CAAP1: variants seen among roughly 807,000 people sequenced by gnomAD.
CAAP1 encodes conserved anti-apoptotic protein.
Under a neutral mutation model 34.0 loss-of-function variants are expected in CAAP1, and 20 were observed. That is an observed-to-expected ratio of 0.59 (90% CI 0.41 to 0.86). The LOEUF (loss-of-function observed/expected upper bound fraction) is 0.86, where lower values mean the gene tolerates loss of function less well. CAAP1 is among the 40% of genes least tolerant of loss of function. The pLI is 0.00. For synonymous variants in CAAP1, 213 were observed against 166.7 expected, an observed-to-expected ratio of 1.28 and a Z score of -2.14; for missense variants, 538 against 450.5, an observed-to-expected ratio of 1.19 and a Z score of -1.76.
chr9:26,889,985 C>T (rs1482875254), intron 1 of CAAP1, among the ~76,000 whole-genome samples: 2 of 151,436 alleles, frequency 1.3e-5, no homozygotes, highest in African/African-American at 2.4e-5. Flanking sequence ...CACAAATACA[C>T]TAATTTTTCA....
chr9:26,861,435 T>C (rs17694121), intron 4 of CAAP1, among the ~76,000 whole-genome samples: 5,560 of 152,310 alleles, frequency 0.037, 169 homozygotes, highest in South Asian at 0.1. Context: ...GGGTAGCTGA[T>C]AGGAGAAATC....
chr9:26,852,882 A>T (rs1822785240), intron 5 of CAAP1, among the ~76,000 whole-genome samples: 1 of 152,180 alleles, frequency 6.6e-6, no homozygotes, highest in South Asian at 2.1e-4. Context: ...GAAGACCCAT[A>T]TGGTTATCTG....
rs1345752467 is a variant in CAAP1 at position 26,846,429 on chromosome 9, AAAAAAAAAAAG to A, written c.740-3793_740-3783del. 2.2e-5 allele frequency among the ~76,000 whole-genome samples: 3 copies of A among 137,284 alleles called. No individual in the cohort carries two copies. The East Asian group carries it at 6.0e-4, about 27-fold the overall frequency. 90.1% of individuals were successfully genotyped at this position (137,284 alleles called of 152,430 possible). On this transcript the variant is annotated intron_variant, in intron 5 of 5. Coordinates refer to ENST00000333916, the MANE Select transcript of CAAP1 (RefSeq NM_024828.4). ...AGACTCTGTCTCAAAAAAAAAAAAAAAAAAAAAAAAGAAGAAGAAAAAAAAGAAAAAAGAAA... is the reference window on the plus strand; with the variant it reads ...AGACTCTGTCTCAAAAAAAAAAAAAAAAGAAGAAAAAAAAGAAAAAAGAAA...
At chr9:26,866,961 C>T (rs956685151) in intron 4 of CAAP1, among the ~76,000 whole-genome samples, 4 of 152,060 alleles carry the variant, frequency 2.6e-5, no homozygotes, top group Admixed American at 6.6e-5. Flanking sequence ...GGAACTGAGC[C>T]GCACAGTAGG....
chr9:26,880,223 G>A, intron 4 of CAAP1: 1 of 404,218 alleles, frequency 2.5e-6, no homozygotes, highest in South Asian at 1.8e-5. Flanking sequence ...CAGCACACAG[G>A]CTGGTGTCTT....
At chr9:26,891,052 G>A (rs1268460181) in intron 1 of CAAP1, among the ~76,000 whole-genome samples, 3 of 152,162 alleles carry the variant, frequency 2.0e-5, no homozygotes, top group Non-Finnish European at 4.4e-5. Flanking sequence ...AGACTCCAAA[G>A]ACTGTTCAAC....
chr9:26,889,674 T>TA (rs1435531573), intron 1 of CAAP1, among the ~76,000 whole-genome samples: 3 of 151,778 alleles, frequency 2.0e-5, no homozygotes, highest in East Asian at 3.9e-4. Flanking sequence ...TAGACTATCC[T>TA]AGCTAACACG....
At chr9:26,872,200 G>A (rs970618154) in intron 4 of CAAP1, among the ~76,000 whole-genome samples, 1 of 152,126 alleles carries the variant, frequency 6.6e-6, no homozygotes, top group East Asian at 1.9e-4. Context: ...TACTGCAAAA[G>A]CAGTCATTAA....
At chr9:26,846,971 G>A (rs1388412485) in intron 5 of CAAP1, among the ~76,000 whole-genome samples, 1 of 151,988 alleles carries the variant, frequency 6.6e-6, no homozygotes, top group Admixed American at 6.6e-5. Flanking sequence ...ACAGACATGA[G>A]CCACTGCGCC....
Position 26,892,763 on chromosome 9 carries a change from G to C in CAAP1, c.-48C>G, listed in dbSNP as rs185993992. On this transcript the variant is annotated 5_prime_UTR_variant, in exon 1 of 6. Transcript: ENST00000333916. ...GAGGAAAGTCCGCTGTCTCTGGTGCGACCGAAGCCCGACTCCTGCGGCCGT... is the reference window on the plus strand; with the variant it reads ...GAGGAAAGTCCGCTGTCTCTGGTGCCACCGAAGCCCGACTCCTGCGGCCGT... 5 of 1,512,166 alleles carry C rather than the reference G, an allele frequency of 3.3e-6. No homozygotes were observed. The highest frequency in any genetic ancestry group is 4.4e-6 in the Non-Finnish European group (5 of 1,133,210). 93.7% of individuals were successfully genotyped at this position (1,512,166 alleles called of 1,614,324 possible). A position where few individuals can be genotyped will look rare whatever the true frequency, so the allele number is the denominator to read the frequency against.
At chr9:26,876,727 A>C (rs1823443103) in intron 4 of CAAP1, among the ~76,000 whole-genome samples, 1 of 152,166 alleles carries the variant, frequency 6.6e-6, no homozygotes, top group African/African-American at 2.4e-5. Flanking sequence ...GCTATAGTTT[A>C]AGCATCCCTA....
At chr9:26,887,231 A>C (rs1371364789) in intron 2 of CAAP1, 82 bp downstream of exon 2, 1 of 866,920 alleles carries the variant, frequency 1.2e-6, no homozygotes, top group African/African-American at 1.7e-5. Flanking sequence ...AACAAACAAA[A>C]CCGCATTAAG....
intron 4 of CAAP1, chr9:26,880,290 C>T: frequency 2.6e-6 from 1 of 381,548 alleles, no homozygotes; most frequent in Admixed American, 3.3e-5. Flanking sequence ...AATAGCTGCG[C>T]TCTGGACGCA....
At chr9:26,882,811 C>G (rs1251508837) in intron 4 of CAAP1, among the ~76,000 whole-genome samples, 1 of 152,160 alleles carries the variant, frequency 6.6e-6, no homozygotes, top group Non-Finnish European at 1.5e-5. Context: ...CTTTCCAAGA[C>G]CATGGAAACC....
intron 4 of CAAP1, among the ~76,000 whole-genome samples, chr9:26,875,571 T>A (rs895653156): frequency 2.0e-5 from 3 of 152,234 alleles, no homozygotes; most frequent in Non-Finnish European, 4.4e-5. Context: ...TATGTCTCAG[T>A]TGATAAGAAG....
Position 26,842,454 on chromosome 9 carries a change from A to G in CAAP1, c.933T>C (p.Ser311=), listed in dbSNP as rs749788409. The G allele has an allele frequency of 9.3e-6, 15 of 1,614,030 alleles. No homozygotes were observed. The Admixed American group carries it at 1.3e-4, about 14-fold the overall frequency. ...SVNEILGLAE[S]SPNEPKAATL... The stretch of plus-strand genomic sequence containing the variant: ...TGGCTGCTTTGGGTTCGTTTGGGCT[A>G]GACTCTGCCAGTCCTAGAATCTCAT... Residue 311 remains serine, a synonymous_variant, in exon 6 of 6, where the codon TCT becomes TCC. Transcript: ENST00000333916.
chr9:26,850,895 A>C (rs1822734055), intron 5 of CAAP1, among the ~76,000 whole-genome samples: 1 of 152,252 alleles, frequency 6.6e-6, no homozygotes, highest in African/African-American at 2.4e-5. Flanking sequence ...GAAAAAATGC[A>C]AATGATTCAG....
intron 5 of CAAP1, among the ~76,000 whole-genome samples, chr9:26,846,345 G>A (rs1229289388): frequency 1.4e-5 from 2 of 147,032 alleles, no homozygotes; most frequent in African/African-American, 2.5e-5. Context: ...GAACCCAGGA[G>A]GCAGAGGGTG....
chr9:26,853,468 T>C (rs1274337852), intron 5 of CAAP1, among the ~76,000 whole-genome samples: 1 of 152,208 alleles, frequency 6.6e-6, no homozygotes, highest in Non-Finnish European at 1.5e-5. Context: ...AAGTTAGTAG[T>C]TGCCAGTCTT....
Sources: allele counts gnomAD v4.1 joint callset (sites outside exome capture counted in the v4.1 genomes callset), GRCh38; gene constraint gnomAD v4.1.1; transcripts MANE v1.5; gene names NCBI Gene and HGNC (gene_info 2026-07-23, HGNC 2026-07-21).